NDUFS4: variants seen among roughly 807,000 people sequenced by gnomAD.
NDUFS4 encodes the protein NADH:ubiquinone oxidoreductase subunit S4, also known as NADH dehydrogenase [ubiquinone] iron-sulfur protein 4, mitochondrial.
A neutral mutation model predicts 24.3 loss-of-function variants in NDUFS4; 28 were observed. The ratio of observed to expected loss-of-function variants is 1.15; its 90% CI spans 0.85 to 1.58. The LOEUF is 1.58. Ranked by LOEUF, NDUFS4 falls within the 40% of genes most tolerant of loss-of-function variation. The probability of loss-of-function intolerance (pLI) is 0.00; values close to 1 mark genes in which losing one functional copy is unlikely to be tolerated. For missense variants in NDUFS4, 223 were observed against 207.9 expected, an observed-to-expected ratio of 1.07 and a Z score of -0.45; for synonymous variants, 93 against 69.7, an observed-to-expected ratio of 1.34 and a Z score of -1.67.
rs111260014 is a variant in NDUFS4, at chr5:53,586,496, TTTAGTTAG to T, written c.99-16945_99-16938del. Among the ~76,000 whole-genome samples, 448 of 143,548 alleles carry T rather than the reference TTTAGTTAG, an allele frequency of 3.1e-3. 1 individual carries two copies. Among genetic ancestry groups the T allele is most frequent in the African/African-American group, 0.011 (401 of 37,434 alleles). 94.2% of individuals were successfully genotyped at this position (143,548 alleles called of 152,430 possible). A position where few individuals can be genotyped will look rare whatever the true frequency, so the allele number is the denominator to read the frequency against. Reference sequence around the variant, plus strand: ...TGTAGTTGTTCAGGAAAATGAATTGTTTAGTTAGTTAGTTAGTTTGTTTGTTTGTTTAT... The same window carrying T: ...TGTAGTTGTTCAGGAAAATGAATTGTTTAGTTAGTTTGTTTGTTTGTTTAT... On this transcript the variant is annotated intron_variant, in intron 1 of 4. Transcript: ENST00000296684.
At chr5:53,675,483 T>A (rs1740437327) in intron 4 of NDUFS4, among the ~76,000 whole-genome samples, 1 of 152,158 alleles carries the variant, frequency 6.6e-6, no homozygotes, top group Admixed American at 6.6e-5. Context: ...AAAAAGACTT[T>A]ATAATCTAAT....
chr5:53,632,036 G>T (rs1202118862), intron 2 of NDUFS4, among the ~76,000 whole-genome samples: 1 of 152,176 alleles, frequency 6.6e-6, no homozygotes, highest in East Asian at 1.9e-4. Context: ...TCCGTGGTCT[G>T]CACCCACTGT....
chr5:53,654,304 A>G (rs1561388536), intron 3 of NDUFS4, among the ~76,000 whole-genome samples: 1 of 152,120 alleles, frequency 6.6e-6, no homozygotes, highest in Non-Finnish European at 1.5e-5. Flanking sequence ...ATAATTGGAT[A>G]TGTATTTACT....
intron 1 of NDUFS4, among the ~76,000 whole-genome samples, chr5:53,596,283 A>G (rs1323615528): frequency 6.6e-6 from 1 of 152,010 alleles, no homozygotes; most frequent in Non-Finnish European, 1.5e-5. Context: ...AAAACAAAAA[A>G]TTAGCCGAGT....
chr5:53,670,502 A>G (rs1476067344), intron 4 of NDUFS4, among the ~76,000 whole-genome samples: 3 of 150,650 alleles, frequency 2.0e-5, no homozygotes, highest in Admixed American at 2.0e-4. Flanking sequence ...GAAGTAAAAT[A>G]TTATAAAAAT....
At chr5:53,610,998 G>T (rs907842540) in intron 2 of NDUFS4, among the ~76,000 whole-genome samples, 1 of 151,958 alleles carries the variant, frequency 6.6e-6, no homozygotes, top group Non-Finnish European at 1.5e-5. Flanking sequence ...TTATCAAGTC[G>T]TGTTTCTTTT....
At chr5:53,571,433 G>A (rs574694622) in intron 1 of NDUFS4, among the ~76,000 whole-genome samples, 3 of 152,278 alleles carry the variant, frequency 2.0e-5, no homozygotes, top group Non-Finnish European at 4.4e-5. Flanking sequence ...TTTTATTTTT[G>A]AGGGACATCT....
At chr5:53,641,225 C>T (rs1477874614) in intron 2 of NDUFS4, among the ~76,000 whole-genome samples, 1 of 152,076 alleles carries the variant, frequency 6.6e-6, no homozygotes, top group Non-Finnish European at 1.5e-5. Context: ...TTAATTTGCC[C>T]AAAGTTGAGA....
rs539769377 is a variant in NDUFS4, at chr5:53,674,843, A to G, written c.425-8275A>G. Among the ~76,000 whole-genome samples the G allele has an allele frequency of 3.0e-4, 46 of 152,314 alleles. 1 individual carries two copies. The South Asian group carries it at 9.5e-3, about 32-fold the overall frequency. On this transcript the variant is annotated intron_variant, in intron 4 of 4. Transcript: ENST00000296684. Reference sequence around the variant, plus strand: ...TCAGTAAACATGTATAATTAAAAAAATACGCAAGTGGAATAAAAGTCTGTT... The same window carrying G: ...TCAGTAAACATGTATAATTAAAAAAGTACGCAAGTGGAATAAAAGTCTGTT...
chr5:53,639,865 G>T (rs950859515), intron 2 of NDUFS4, among the ~76,000 whole-genome samples: 2 of 152,070 alleles, frequency 1.3e-5, no homozygotes, highest in Non-Finnish European at 2.9e-5. Context: ...TTCAAGAGAA[G>T]ACAGGTAGGA....
chr5:53,661,059 A>C (rs1357361557), intron 4 of NDUFS4, among the ~76,000 whole-genome samples: 1 of 152,156 alleles, frequency 6.6e-6, no homozygotes, highest in Non-Finnish European at 1.5e-5. Flanking sequence ...GGTGTTTTAG[A>C]CATGAAGTCC....
At chr5:53,611,871 CA>C (rs1750708818) in intron 2 of NDUFS4, among the ~76,000 whole-genome samples, 1 of 151,960 alleles carries the variant, frequency 6.6e-6, no homozygotes, top group African/African-American at 2.4e-5. Context: ...TTCAGCTATA[CA>C]AAAGAGAGAA....
chr5:53,643,035 T>A (rs1751748154), intron 2 of NDUFS4, among the ~76,000 whole-genome samples: 1 of 152,152 alleles, frequency 6.6e-6, no homozygotes, highest in Non-Finnish European at 1.5e-5. Context: ...AGCATAGGTT[T>A]CATACTTGAC....
At chr5:53,567,635 A>T (rs1019973256) in intron 1 of NDUFS4, among the ~76,000 whole-genome samples, 1 of 152,014 alleles carries the variant, frequency 6.6e-6, no homozygotes, top group Non-Finnish European at 1.5e-5. Context: ...TTTAAAAACG[A>T]TTCAGTGTCT....
intron 2 of NDUFS4, among the ~76,000 whole-genome samples, chr5:53,604,002 TAACTAGCAAGC>T (rs1750418677): frequency 6.6e-6 from 1 of 152,192 alleles, no homozygotes; most frequent in African/African-American, 2.4e-5. Context: ...TATGAAGAAA[TAACTAGCAAGC>T]AACTAGCAAA....
In NDUFS4 at chr5:53,683,098, T is replaced by G. The variant is rs766133396; in HGVS notation, c.425-20T>G. The G allele has an allele frequency of 4.7e-6, 7 of 1,481,454 alleles. No individual in the cohort carries two copies. In the Admixed American group the frequency reaches 1.2e-4, roughly 25 times the overall value. 91.8% of individuals were successfully genotyped at this position (1,481,454 alleles called of 1,614,324 possible). On this transcript the variant is annotated intron_variant, in intron 4 of 4. Transcript: ENST00000296684. ...CTTTAATTCTGTTTCTGTGGATTTG[T>G]CTTTGTTTTTTCCTCCTAGGATGGA...
chr5:53,653,993 C>A (rs1752093185), intron 3 of NDUFS4, among the ~76,000 whole-genome samples: 1 of 152,046 alleles, frequency 6.6e-6, no homozygotes, highest in African/African-American at 2.4e-5. Flanking sequence ...TATAATCTAA[C>A]AATAGTGGCA....
intron 1 of NDUFS4, among the ~76,000 whole-genome samples, chr5:53,594,552 A>G (rs961410134): frequency 6.6e-6 from 1 of 151,464 alleles, no homozygotes. Context: ...ATTAATATTA[A>G]TGTCTATTGT....
At chr5:53,670,750 T>A (rs1752643531) in intron 4 of NDUFS4, among the ~76,000 whole-genome samples, 2 of 151,490 alleles carry the variant, frequency 1.3e-5, no homozygotes, top group South Asian at 4.1e-4. Context: ...ACAGTTCTAT[T>A]CTTCAGGTAC....
Sources: allele counts gnomAD v4.1 joint callset (sites outside exome capture counted in the v4.1 genomes callset), GRCh38; gene constraint gnomAD v4.1.1; transcripts MANE v1.5; gene names NCBI Gene and HGNC (gene_info 2026-07-23, HGNC 2026-07-21).